Variants in TMEM233 observed in about 807,000 individuals in gnomAD.
TMEM233 encodes transmembrane protein 233.
A neutral mutation model predicts 11.2 loss-of-function variants in TMEM233; 6 were observed. The ratio of observed to expected loss-of-function variants is 0.54; its 90% CI spans 0.29 to 1.06. The LOEUF is 1.06. TMEM233 is among the 50% of genes least tolerant of loss of function. The pLI is 0.08. For missense variants in TMEM233, 127 were observed against 144.7 expected (o/e 0.88, Z 0.63); for synonymous variants, 59 against 55.8 (o/e 1.06, Z -0.26).
At chr12:119,643,361 C>T (rs1191120973), downstream of TMEM233, among the ~76,000 whole-genome samples, 3 of 152,210 alleles carry the variant, frequency 2.0e-5, no homozygotes, top group Non-Finnish European at 2.9e-5. Flanking sequence ...TGGGCGTCCC[C>T]CAGGTCCTAA....
At chr12:119,596,897 G>A (rs1173018460) in intron 1 of TMEM233, among the ~76,000 whole-genome samples, 1 of 152,200 alleles carries the variant, frequency 6.6e-6, no homozygotes, top group African/African-American at 2.4e-5. Flanking sequence ...ACAAAACAAA[G>A]CATTCTAGTT....
chr12:119,612,770 A>T (rs867778991), intron 1 of TMEM233, among the ~76,000 whole-genome samples: 1,895 of 125,962 alleles, frequency 0.015, 37 homozygotes, highest in African/African-American at 0.052. Flanking sequence ...AAAAAAAAAA[A>T]TTAGCCAGGC....
At chr12:119,623,239 A>G (rs187059220) in intron 1 of TMEM233, among the ~76,000 whole-genome samples, 1 of 152,354 alleles carries the variant, frequency 6.6e-6, no homozygotes, top group East Asian at 1.9e-4. Context: ...GTTGCCATTT[A>G]GAAAAGAGAG....
chr12:119,633,330 A>T (rs1313817841), intron 2 of TMEM233, among the ~76,000 whole-genome samples: 1 of 152,174 alleles, frequency 6.6e-6, no homozygotes, highest in Admixed American at 6.5e-5. Context: ...CTATAATCCT[A>T]GCACTTTGGG....
At chr12:119,622,359 C>A (rs1017381873) in intron 1 of TMEM233, among the ~76,000 whole-genome samples, 1 of 152,176 alleles carries the variant, frequency 6.6e-6, no homozygotes, top group Non-Finnish European at 1.5e-5. Context: ...TACATGTTCA[C>A]AAATTGCATT....
At chr12:119,616,007 G>T (rs934342179) in intron 1 of TMEM233, among the ~76,000 whole-genome samples, 1 of 152,142 alleles carries the variant, frequency 6.6e-6, no homozygotes, top group Non-Finnish European at 1.5e-5. Flanking sequence ...CCCCCCGTGG[G>T]TATTTAGGTG....
chr12:119,617,814 C>T (rs1157084365), intron 1 of TMEM233, among the ~76,000 whole-genome samples: 1 of 152,026 alleles, frequency 6.6e-6, no homozygotes, highest in African/African-American at 2.4e-5. Context: ...ACCTGGGCAA[C>T]AAGAAAGAAA....
intron 1 of TMEM233, among the ~76,000 whole-genome samples, chr12:119,623,252 G>A (rs1954682264): frequency 6.6e-6 from 1 of 152,140 alleles, no homozygotes; most frequent in African/African-American, 2.4e-5. Flanking sequence ...AAAGAGAGGG[G>A]ACTTCATTAT....
At chr12:119,640,284 A>G (rs1376429685) in intron 2 of TMEM233, among the ~76,000 whole-genome samples, 6 of 152,032 alleles carry the variant, frequency 3.9e-5, no homozygotes, top group Admixed American at 6.6e-5. Flanking sequence ...CCTCCCAAGT[A>G]GCTGGGACTA....
chr12:119,597,610 A>C (rs557832664), intron 1 of TMEM233, among the ~76,000 whole-genome samples: 1 of 152,314 alleles, frequency 6.6e-6, no homozygotes, highest in African/African-American at 2.4e-5. Context: ...CACATTCAAG[A>C]AGAGTGTTCT....
At chr12:119,602,475 T>C (rs547955196) in intron 1 of TMEM233, among the ~76,000 whole-genome samples, 11 of 152,336 alleles carry the variant, frequency 7.2e-5, no homozygotes, top group South Asian at 6.2e-4. Flanking sequence ...AATTTCTTGC[T>C]TGAAGCTCTG....
downstream of TMEM233, among the ~76,000 whole-genome samples, chr12:119,648,002 C>T (rs1378792969): frequency 1.3e-5 from 2 of 152,188 alleles, no homozygotes; most frequent in East Asian, 3.9e-4. Context: ...TGGCCCCAAA[C>T]ATGACAAGAT....
intron 1 of TMEM233, among the ~76,000 whole-genome samples, chr12:119,626,548 A>AGG (rs1309172446): frequency 3.0e-5 from 2 of 66,436 alleles, no homozygotes; most frequent in African/African-American, 9.6e-5. Context: ...GGAGAAGAGA[A>AGG]GAGAAGAGAA....
intron 1 of TMEM233, among the ~76,000 whole-genome samples, chr12:119,612,038 G>A (rs1449318388): frequency 6.6e-6 from 1 of 151,372 alleles, no homozygotes; most frequent in Non-Finnish European, 1.5e-5. Flanking sequence ...CTGTCACCCA[G>A]GCTGGAGTGC....
the TMEM233 span, among the ~76,000 whole-genome samples, chr12:119,652,225 G>C: frequency 3.9e-5 from 6 of 152,172 alleles, no homozygotes; most frequent in Non-Finnish European, 5.9e-5. Context: ...ATGTGAGCTA[G>C]GATATGTGAA....
chr12:119,629,664 A>T, intron 1 of TMEM233, 72 bp from the exon 2 acceptor site: 1 of 1,447,706 alleles, frequency 6.9e-7, no homozygotes, highest in Non-Finnish European at 9.2e-7. Flanking sequence ...TTTCATCAGG[A>T]CAGCCTGAGG....
chr12:119,599,622 A>AAAGTC (rs1954118994), intron 1 of TMEM233, among the ~76,000 whole-genome samples: 1 of 152,190 alleles, frequency 6.6e-6, no homozygotes, highest in Admixed American at 6.5e-5. Context: ...CAACAAGAAG[A>AAAGTC]AAGTCAATTT....
At chr12:119,652,719 G>C in the TMEM233 span, among the ~76,000 whole-genome samples, 1 of 152,220 alleles carries the variant, frequency 6.6e-6, no homozygotes, top group African/African-American at 2.4e-5. Context: ...GACTCAAACT[G>C]TATTTGTGAA....
At chr12:119,631,444 C>T (rs1954883320) in intron 2 of TMEM233, 1 of 953,496 alleles carries the variant, frequency 1.0e-6, no homozygotes, top group South Asian at 4.8e-5. Context: ...GGGAAGATGT[C>T]AAAACAGAAG....
Sources: allele counts gnomAD v4.1 joint callset (sites outside exome capture counted in the v4.1 genomes callset), GRCh38; gene constraint gnomAD v4.1.1; transcripts MANE v1.5; gene names NCBI Gene and HGNC (gene_info 2026-07-23, HGNC 2026-07-21).